Variants in TOGARAM2 observed in about 807,000 individuals in gnomAD.
TOGARAM2 encodes TOG array regulator of axonemal microtubules 2, also known as TOG array regulator of axonemal microtubules protein 2.
Under a neutral mutation model 93.3 loss-of-function variants are expected in TOGARAM2, and 85 were observed. That is an observed-to-expected ratio of 0.91 (90% CI 0.76 to 1.09). TOGARAM2 has a LOEUF of 1.09. Ranked by LOEUF, TOGARAM2 falls within the 50% of genes least tolerant of loss-of-function variation. The pLI is 0.00. For missense variants in TOGARAM2, 1,277 were observed against 1,334.5 expected (o/e 0.96, Z 0.67); for synonymous variants, 593 against 552.8 (o/e 1.07, Z -1.02).
At chr2:28,999,574 T>A (rs1188610317) in intron 4 of TOGARAM2, 106 bp downstream of exon 4, 2 of 1,325,450 alleles carry the variant, frequency 1.5e-6, no homozygotes, top group Non-Finnish European at 2.0e-6. Context: ...CATGCTGGGA[T>A]GCCCTGGGGG....
Position 29,002,573 on chromosome 2 carries a change from C to A in TOGARAM2, c.465C>A (p.Pro155=). Residue 155 remains proline, a synonymous_variant, in exon 5 of 20, where the codon CCC becomes CCA. Transcript: ENST00000379558. ...CAGGGGGAGGCCCCCAAGGAGTTCC[C>A]CTGCACAGCACCATCCCCCGAGCCA... is the stretch of plus-strand genomic sequence containing the variant. ...LDPGGGPQGV[P]LHSTIPRATS... is the part of the protein sequence containing the mutation. 6.2e-7 allele frequency: 1 copy of A among 1,613,980 alleles called. No homozygotes were observed.
chr2:29,045,179 C>A (rs1021184735), intron 18 of TOGARAM2, 145 bp from the exon 19 acceptor site: 2 of 628,076 alleles, frequency 3.2e-6, no homozygotes, highest in Non-Finnish European at 2.8e-6. Flanking sequence ...CTTTAAGTGG[C>A]CCCTTTGTGA....
intron 6 of TOGARAM2, among the ~76,000 whole-genome samples, chr2:29,005,989 G>GTA (rs1663760432): frequency 8.0e-6 from 1 of 125,168 alleles, no homozygotes; most frequent in Admixed American, 8.4e-5. Flanking sequence ...ATGAGTGCAT[G>GTA]TGTAGGGTGT....
intron 18 of TOGARAM2, 133 bp from the exon 19 acceptor site, chr2:29,045,191 C>T: frequency 1.5e-6 from 1 of 672,962 alleles, no homozygotes; most frequent in South Asian, 1.8e-5. Context: ...CCTTTGTGAC[C>T]TGGAAAAATT....
rs1439248494 is a variant in TOGARAM2 at position 29,022,323 on chromosome 2, C to T, written c.1511+15C>T. On this transcript the variant is annotated intron_variant, in intron 11 of 19. Transcript: ENST00000379558. ...AGCAGTGACTGGTGAGGAGATGCTT[C>T]CACCACGTGCTGTGTTCTGGCCGGA... The T allele has an allele frequency of 6.2e-7, 1 of 1,613,526 alleles. No individual in the cohort carries two copies. The highest frequency in any genetic ancestry group is 1.7e-5 in the Admixed American group (1 of 59,986).
intron 14 of TOGARAM2, among the ~76,000 whole-genome samples, chr2:29,029,183 A>T (rs1039299199): frequency 4.6e-5 from 7 of 152,208 alleles, no homozygotes; most frequent in Non-Finnish European, 8.8e-5. Context: ...CAGCTGCAAA[A>T]ATGCGAAAAC....
chr2:28,998,590 A>G (rs546034219), intron 3 of TOGARAM2, among the ~76,000 whole-genome samples: 23 of 152,306 alleles, frequency 1.5e-4, no homozygotes, highest in Non-Finnish European at 2.6e-4. Flanking sequence ...CAGCATCTGC[A>G]GCCTGGGTCT....
chr2:29,006,157 A>G (rs1032831278), intron 6 of TOGARAM2, among the ~76,000 whole-genome samples: 13 of 132,818 alleles, frequency 9.8e-5, no homozygotes, highest in South Asian at 5.1e-4. Context: ...GTGCGTAAGT[A>G]CATGTGTGAG....
Position 28,994,819 on chromosome 2 carries a change from C to A in TOGARAM2, c.-16C>A. On this transcript the variant is annotated 5_prime_UTR_variant, in exon 2 of 20. Transcript: ENST00000379558. The stretch of plus-strand genomic sequence containing the variant: ...TGCCTCTGGGCAACCTTGTAGGCAC[C>A]TTCTCCACCCAGGACATGGGCACCC... 1 of 1,552,104 alleles carries A rather than the reference C, an allele frequency of 6.4e-7. No homozygotes were observed. The highest frequency in any genetic ancestry group is 1.2e-5 in the South Asian group (1 of 84,078).
intron 1 of TOGARAM2, among the ~76,000 whole-genome samples, chr2:28,964,198 A>T (rs1050036279): frequency 6.6e-6 from 1 of 152,210 alleles, no homozygotes; most frequent in African/African-American, 2.4e-5. Flanking sequence ...CAATTCTGCC[A>T]GTTCTTGCTG....
intron 1 of TOGARAM2, among the ~76,000 whole-genome samples, chr2:28,957,353 G>A (rs556025792): frequency 6.6e-6 from 1 of 152,076 alleles, no homozygotes; most frequent in South Asian, 2.1e-4. Context: ...GCTCATTTTT[G>A]TATTTTTAGT....
intron 1 of TOGARAM2, among the ~76,000 whole-genome samples, chr2:28,968,828 A>ACC (rs1181352175): frequency 3.3e-5 from 4 of 121,960 alleles, no homozygotes; most frequent in Non-Finnish European, 5.2e-5. Flanking sequence ...AAAAAAAAAA[A>ACC]AAAAAAAAAA....
chr2:29,036,599 C>T lies in TOGARAM2; in HGVS notation c.2477C>T (p.Ala826Val), dbSNP rs368441564. 2.1e-5 allele frequency: 34 copies of T among 1,613,882 alleles called. No individual in the cohort carries two copies. The highest frequency in any genetic ancestry group is 6.7e-5 in the East Asian group (3 of 44,904). Reference sequence around the variant, plus strand: ...TCCAACAAGAAAGTGAACCAGTGGGCGCTGGAGTCCTTCGCCAAGATGATC... The same window carrying T: ...TCCAACAAGAAAGTGAACCAGTGGGTGCTGGAGTCCTTCGCCAAGATGATC... Reference protein sequence around the residue: ...QDSNKKVNQWALESFAKMIPL... With the variant: ...QDSNKKVNQWVLESFAKMIPL... The change falls in exon 18 of 20, where the codon GCG (alanine) becomes GTG (valine). Residue 826 changes from alanine to valine, a missense_variant. By Grantham distance (64) the Ala-to-Val change is moderately conservative (BLOSUM62 0). Transcript: ENST00000379558.
chr2:28,984,833 G>A (rs891787971), intron 1 of TOGARAM2, among the ~76,000 whole-genome samples: 1 of 152,208 alleles, frequency 6.6e-6, no homozygotes, highest in Non-Finnish European at 1.5e-5. Context: ...ATCCTTGGGA[G>A]CACACTACAC....
At position 29,002,704 on chromosome 2, in the gene TOGARAM2, G is replaced by C; in HGVS notation, c.596G>C (p.Gly199Ala). The change falls in exon 5 of 20, where the codon GGG (glycine) becomes GCG (alanine). Residue 199 changes from glycine (G) to alanine (A), a missense_variant. Gly to Ala is a moderately conservative substitution (Grantham distance 60). Coordinates refer to ENST00000379558, the MANE Select transcript of TOGARAM2 (RefSeq NM_199280.4). ...GVKEKGLDLP[G>A]SIPGPHELRP... ...AAAGAGAAGGGCCTGGACCTACCGG[G>C]GAGCATTCCGGGTCCTCACGAGTTG... 6.2e-7 allele frequency: 1 copy of C among 1,613,922 alleles called. No homozygotes were observed. The highest frequency in any genetic ancestry group is 8.5e-7 in the Non-Finnish European group (1 of 1,179,864).
chr2:29,038,825 A>G (rs1024153891), intron 18 of TOGARAM2, among the ~76,000 whole-genome samples: 3 of 152,210 alleles, frequency 2.0e-5, no homozygotes, highest in Admixed American at 2.0e-4. Context: ...GCTGCAAGCC[A>G]TACCCTCTTA....
intron 18 of TOGARAM2, among the ~76,000 whole-genome samples, chr2:29,044,711 C>A (rs965145672): frequency 6.6e-6 from 1 of 151,824 alleles, no homozygotes; most frequent in Non-Finnish European, 1.5e-5. Context: ...TAGCTCTATG[C>A]CTGTTACATA....
At chr2:29,014,136 G>A (rs937381390) in intron 7 of TOGARAM2, among the ~76,000 whole-genome samples, 7 of 152,044 alleles carry the variant, frequency 4.6e-5, no homozygotes, top group Admixed American at 1.3e-4. Flanking sequence ...CCTGTTTCCC[G>A]CCCAGCCTCC....
rs1297045475 is a variant in TOGARAM2 at position 29,014,365 on chromosome 2, TCAGCTCCACC to T, written c.878-28_878-19del. On this transcript the variant is annotated intron_variant, in intron 7 of 19. Transcript: ENST00000379558. Reference sequence around the variant, plus strand: ...GAGCTCAGCAGTGACCTGGGTGTCTTCAGCTCCACCCCTGTTCTCAACCCCTCAGAGCCAA... The same window carrying T: ...GAGCTCAGCAGTGACCTGGGTGTCTTCCTGTTCTCAACCCCTCAGAGCCAA... The T allele has an allele frequency of 1.2e-6, 2 of 1,603,214 alleles. No individual in the cohort carries two copies. The highest frequency in any genetic ancestry group is 1.7e-6 in the Non-Finnish European group (2 of 1,175,430).
Sources: gnomAD v4.1 joint callset for allele counts (sites outside exome capture counted in the v4.1 genomes callset) on GRCh38, gnomAD v4.1.1 for gene constraint, MANE v1.5 for transcripts, NCBI Gene and HGNC (gene_info 2026-07-23, HGNC 2026-07-21) for gene names.